OPCML: variants seen among roughly 807,000 people sequenced by gnomAD.
OPCML encodes opioid binding protein/cell adhesion molecule like.
Under a neutral mutation model 37.8 loss-of-function variants are expected in OPCML, and 13 were observed. The observed-to-expected ratio is 0.34, with a 90% CI of 0.22 to 0.55. The LOEUF (loss-of-function observed/expected upper bound fraction) is 0.55, where lower values mean the gene tolerates loss of function less well. OPCML is among the 20% of genes least tolerant of loss of function. The pLI is 0.91. For synonymous variants in OPCML, 176 were observed against 168.8 expected (o/e 1.04, Z -0.33); for missense variants, 341 against 435.6 (o/e 0.78, Z 1.93).
chr11:133,457,791 A>G (rs961601950), intron 1 of OPCML, among the ~76,000 whole-genome samples: 1 of 152,162 alleles, frequency 6.6e-6, no homozygotes, highest in Non-Finnish European at 1.5e-5. Context: ...GACTTGTTCC[A>G]GAAGAAATGC....
intron 1 of OPCML, among the ~76,000 whole-genome samples, chr11:133,162,992 G>C (rs1219235126): frequency 6.6e-6 from 1 of 152,146 alleles, no homozygotes; most frequent in Non-Finnish European, 1.5e-5. Flanking sequence ...GATAAGAAAG[G>C]CTCTCCTAAG....
At chr11:132,635,840 A>T (rs1448909278) in intron 3 of OPCML, among the ~76,000 whole-genome samples, 1 of 152,216 alleles carries the variant, frequency 6.6e-6, no homozygotes, top group African/African-American at 2.4e-5. Context: ...GTCATCACTT[A>T]GAATCTCCCC....
chr11:133,410,691 A>G (rs866070495), intron 1 of OPCML, among the ~76,000 whole-genome samples: 76 of 138,600 alleles, frequency 5.5e-4, no homozygotes, highest in Middle Eastern at 3.7e-3. Flanking sequence ...CTTTCCCATC[A>G]GCTCTTTTGA....
chr11:132,967,820 CT>C (rs1353825760), intron 1 of OPCML, among the ~76,000 whole-genome samples: 1 of 152,138 alleles, frequency 6.6e-6, no homozygotes, highest in Non-Finnish European at 1.5e-5. Context: ...GTAAGGTGGT[CT>C]GCAAGCAAGG....
intron 4 of OPCML, among the ~76,000 whole-genome samples, chr11:132,476,292 G>A (rs1245573392): frequency 6.6e-6 from 1 of 151,966 alleles, no homozygotes; most frequent in African/African-American, 2.4e-5. Flanking sequence ...CGATTCCTCA[G>A]GGATCTAGAA....
intron 1 of OPCML, among the ~76,000 whole-genome samples, chr11:133,187,418 A>T (rs548357538): frequency 2.8e-4 from 43 of 152,174 alleles, no homozygotes; most frequent in Admixed American, 7.9e-4. Context: ...TTCAGGCCTG[A>T]TGGTTTCCAC....
chr11:132,524,126 A>G lies in OPCML; in HGVS notation c.505+4935T>C, dbSNP rs114329727. On this transcript the variant is annotated intron_variant, in intron 4 of 7. Transcript: ENST00000524381. The stretch of plus-strand genomic sequence containing the variant: ...GACTACCCTCCTTAGAACACAACAG[A>G]CTCCAGGATCTTCTGCCACTCCCAT... Among the ~76,000 whole-genome samples the G allele has an allele frequency of 4.9e-3, 746 of 152,002 alleles. 2 individuals are homozygous for G. Among genetic ancestry groups the G allele is most frequent in the Middle Eastern group, 0.02 (6 of 294 alleles).
chr11:133,303,855 G>GCA (rs1942845565), intron 1 of OPCML, among the ~76,000 whole-genome samples: 1 of 152,112 alleles, frequency 6.6e-6, no homozygotes, highest in East Asian at 1.9e-4. Context: ...GGCAAATGAT[G>GCA]CACACACACA....
chr11:132,667,927 G>A (rs1942291314), intron 2 of OPCML, among the ~76,000 whole-genome samples: 2 of 152,220 alleles, frequency 1.3e-5, no homozygotes, highest in Admixed American at 1.3e-4. Context: ...CTAGCTTCAG[G>A]CATAGAGAAT....
intron 2 of OPCML, among the ~76,000 whole-genome samples, chr11:132,776,547 T>A (rs1946815496): frequency 6.6e-6 from 1 of 151,850 alleles, no homozygotes; most frequent in Non-Finnish European, 1.5e-5. Flanking sequence ...CAAGATCTGT[T>A]TTTTCAAAGA....
chr11:133,077,649 T>C (rs1270400306), intron 1 of OPCML, among the ~76,000 whole-genome samples: 2 of 152,084 alleles, frequency 1.3e-5, no homozygotes, highest in Non-Finnish European at 2.9e-5. Flanking sequence ...ACAAGAAATA[T>C]GTTAACAGTC....
intron 2 of OPCML, among the ~76,000 whole-genome samples, chr11:132,818,660 A>ATATATATAT (rs56858242): frequency 0.1 from 11,634 of 115,514 alleles, 893 homozygotes; most frequent in South Asian, 0.19. Context: ...ATATATATAT[A>ATATATATAT]GACAGATTAT....
chr11:132,542,923 G>A (rs1259226462), intron 3 of OPCML, among the ~76,000 whole-genome samples: 4 of 152,194 alleles, frequency 2.6e-5, no homozygotes. Context: ...TGTGGTCATT[G>A]TGTGTTCAAG....
intron 1 of OPCML, among the ~76,000 whole-genome samples, chr11:133,338,068 G>A (rs1943782932): frequency 6.6e-6 from 1 of 152,082 alleles, no homozygotes; most frequent in Admixed American, 6.5e-5. Context: ...GGGGAAGGGG[G>A]CTTTGTTACA....
At chr11:133,048,739 CAG>C (rs757401860) in intron 1 of OPCML, among the ~76,000 whole-genome samples, 3 of 152,156 alleles carry the variant, frequency 2.0e-5, no homozygotes, top group Non-Finnish European at 4.4e-5. Flanking sequence ...TGTTATGCCC[CAG>C]AGAGACACTG....
At position 132,622,370 on chromosome 11, in the gene OPCML, G is replaced by A. The variant is rs527398436; in HGVS notation, c.379+34717C>T. 7.0e-4 allele frequency among the ~76,000 whole-genome samples: 106 copies of A among 152,160 alleles called. No homozygotes were observed. In the South Asian group the frequency reaches 0.02, roughly 29 times the overall value. On this transcript the variant is annotated intron_variant, in intron 3 of 7. Coordinates refer to ENST00000524381, the MANE Select transcript of OPCML (RefSeq NM_001012393.5). ...AAACATGAAAAGAGGAGAGAGAAGC[G>A]TGGAAACCTGTATAAAGGCCACTGA...
intron 2 of OPCML, among the ~76,000 whole-genome samples, chr11:132,739,045 A>T (rs987953002): frequency 6.6e-6 from 1 of 152,150 alleles, no homozygotes; most frequent in Non-Finnish European, 1.5e-5. Flanking sequence ...ACCCTTAATA[A>T]CCCGAGATAA....
chr11:132,666,230 T>C (rs557104134), intron 2 of OPCML, among the ~76,000 whole-genome samples: 2 of 152,274 alleles, frequency 1.3e-5, no homozygotes, highest in Admixed American at 1.3e-4. Flanking sequence ...GGCGCCACCA[T>C]CTGCTTCTGG....
At chr11:133,382,994 T>A (rs887642340) in intron 1 of OPCML, among the ~76,000 whole-genome samples, 2 of 152,126 alleles carry the variant, frequency 1.3e-5, no homozygotes, top group African/African-American at 4.8e-5. Context: ...GAGTTCTTAA[T>A]ACAACTCAGC....
Sources: allele counts gnomAD v4.1 joint callset (sites outside exome capture counted in the v4.1 genomes callset), GRCh38; gene constraint gnomAD v4.1.1; transcripts MANE v1.5; gene names NCBI Gene and HGNC (gene_info 2026-07-23, HGNC 2026-07-21).